SLC28A3: variants seen among roughly 807,000 people sequenced by gnomAD.
SLC28A3 encodes concentrative Na(+)-nucleoside cotransporter 3.
Under a neutral mutation model 84.2 loss-of-function variants are expected in SLC28A3, and 68 were observed. The ratio of observed to expected loss-of-function variants is 0.81; its 90% CI spans 0.66 to 0.99. The LOEUF (loss-of-function observed/expected upper bound fraction) is 0.99, where lower values mean the gene tolerates loss of function less well. Ranked by LOEUF, SLC28A3 falls within the 50% of genes least tolerant of loss-of-function variation. SLC28A3 has a pLI of 0.00. For missense variants in SLC28A3, 712 were observed against 841.5 expected, an observed-to-expected ratio of 0.85 and a Z score of 1.90; for synonymous variants, 267 against 303.6, an observed-to-expected ratio of 0.88 and a Z score of 1.25.
At chr9:84,321,569 T>C (rs1564171533) in intron 1 of SLC28A3, among the ~76,000 whole-genome samples, 1 of 150,884 alleles carries the variant, frequency 6.6e-6, no homozygotes, top group Admixed American at 6.6e-5. Context: ...CCGTCTCTAC[T>C]AAAAATACAA....
chr9:84,349,542 GT>G, the SLC28A3 span, among the ~76,000 whole-genome samples: 4 of 152,252 alleles, frequency 2.6e-5, no homozygotes, highest in South Asian at 2.1e-4. Context: ...CGGCTTACTT[GT>G]TTTTTATAAA....
chr9:84,317,409 T>C (rs1020187427), intron 1 of SLC28A3, among the ~76,000 whole-genome samples: 1 of 152,200 alleles, frequency 6.6e-6, no homozygotes, highest in African/African-American at 2.4e-5. Flanking sequence ...GCCACAATAG[T>C]GGTCTTCCTG....
At chr9:84,280,325 A>C (rs879687175) in intron 15 of SLC28A3, among the ~76,000 whole-genome samples, 1 of 151,464 alleles carries the variant, frequency 6.6e-6, no homozygotes, top group South Asian at 2.1e-4. Flanking sequence ...CAGAAGAAAA[A>C]CCTCCTAAGT....
chr9:84,310,754 A>G (rs1480663576), intron 2 of SLC28A3, among the ~76,000 whole-genome samples: 3 of 152,154 alleles, frequency 2.0e-5, no homozygotes, highest in Non-Finnish European at 4.4e-5. Flanking sequence ...GATAATTGTA[A>G]GAGAGACCAG....
chr9:84,320,040 GTTTTTTTTTTTTTTTT>G (rs1182939298), intron 1 of SLC28A3, among the ~76,000 whole-genome samples: 5 of 59,566 alleles, frequency 8.4e-5, no homozygotes, highest in Non-Finnish European at 1.5e-4. Flanking sequence ...GGCTTGCACT[GTTTTTTTTTTTTTTTT>G]TTTTTTTTTT....
intron 1 of SLC28A3, among the ~76,000 whole-genome samples, chr9:84,314,281 C>T (rs551380066): frequency 2.1e-4 from 32 of 152,060 alleles, no homozygotes; most frequent in South Asian, 1.0e-3. Context: ...CTTATAGGGC[C>T]GTCCGGACCC....
At chr9:84,360,081 G>A in the SLC28A3 span, among the ~76,000 whole-genome samples, 2 of 151,990 alleles carry the variant, frequency 1.3e-5, no homozygotes, top group African/African-American at 4.8e-5. Flanking sequence ...CTCTGACGTG[G>A]GAAGGAACCT....
chr9:84,330,480 G>T (rs1826738966), intron 1 of SLC28A3, among the ~76,000 whole-genome samples: 1 of 152,178 alleles, frequency 6.6e-6, no homozygotes, highest in Non-Finnish European at 1.5e-5. Context: ...ATAACCATCA[G>T]TGGCAAGTGG....
Position 84,290,216 on chromosome 9 carries a change from T to C in SLC28A3, c.1087A>G (p.Ile363Val), listed in dbSNP as rs780945194. Residue 363 changes from isoleucine (I) to valine (V), a missense_variant, in exon 11 of 18, where the codon ATC becomes GTC. Physicochemically the swap from Ile to Val is conservative, Grantham distance 29. Transcript: ENST00000376238. ...ATGGTAGAGAACCCGGCGGTCATGA[T>C]GGCGTGGAGTTCAGACTTGGTGATG... ...PYITKSELHA[I>V]MTAGFSTIAG... The C allele has an allele frequency of 3.7e-6, 6 of 1,613,948 alleles. No individual in the cohort carries two copies. The highest frequency in any genetic ancestry group is 4.2e-6 in the Non-Finnish European group (5 of 1,179,964).
the SLC28A3 span, among the ~76,000 whole-genome samples, chr9:84,361,851 A>G: frequency 6.6e-6 from 1 of 152,050 alleles, no homozygotes; most frequent in Non-Finnish European, 1.5e-5. Flanking sequence ...ATTTGAGGTT[A>G]CAGTGAGCAA....
At chr9:84,336,377 G>A (rs957261374) in intron 1 of SLC28A3, among the ~76,000 whole-genome samples, 6 of 152,148 alleles carry the variant, frequency 3.9e-5, no homozygotes, top group African/African-American at 1.4e-4. Flanking sequence ...GGTGGCATAT[G>A]CCTGTAAACT....
At chr9:84,333,199 G>A (rs777369797) in intron 1 of SLC28A3, among the ~76,000 whole-genome samples, 36 of 152,304 alleles carry the variant, frequency 2.4e-4, no homozygotes, top group Non-Finnish European at 4.4e-4. Context: ...AAATGGGGTA[G>A]GGGAACAATC....
intron 6 of SLC28A3, 56 bp from the exon 7 acceptor site, chr9:84,298,075 C>T: frequency 7.2e-7 from 1 of 1,397,000 alleles, no homozygotes; most frequent in East Asian, 2.3e-5. Context: ...CAGGCCGTGG[C>T]ATGAATGTCT....
chr9:84,316,978 G>A (rs1044703439), intron 1 of SLC28A3, among the ~76,000 whole-genome samples: 2 of 150,786 alleles, frequency 1.3e-5, no homozygotes, highest in Non-Finnish European at 1.5e-5. Flanking sequence ...TCCAGCCCGG[G>A]CGACAGAGCA....
chr9:84,319,860 A>G (rs1029466218), intron 1 of SLC28A3, among the ~76,000 whole-genome samples: 2 of 152,154 alleles, frequency 1.3e-5, no homozygotes, highest in Non-Finnish European at 1.5e-5. Flanking sequence ...TCTGCCAGCC[A>G]TGGTGCTGTG....
intron 14 of SLC28A3, among the ~76,000 whole-genome samples, chr9:84,283,446 A>C (rs1380465889): frequency 6.6e-6 from 1 of 152,258 alleles, no homozygotes; most frequent in Non-Finnish European, 1.5e-5. Flanking sequence ...ACTATGTCAC[A>C]GGCACTGATG....
At position 84,292,479 on chromosome 9, in the gene SLC28A3, C is replaced by G. The variant is rs111263604; in HGVS notation, c.1023+189G>C. The G allele has an allele frequency of 2.1e-4, 58 of 275,414 alleles. 2 individuals are homozygous for G. Among genetic ancestry groups the G allele is most frequent in the African/African-American group, 4.8e-4 (10 of 20,858 alleles). 17.1% of individuals were successfully genotyped at this position (275,414 alleles called of 1,614,324 possible). A position where few individuals can be genotyped will look rare whatever the true frequency, so the allele number is the denominator to read the frequency against. Reference sequence around the variant, plus strand: ...TGTCTCTCTGTCTCTCTCTCTGTCTCTCTCTCTCTCTCTCTCTGTCTCTCT... The same window carrying G: ...TGTCTCTCTGTCTCTCTCTCTGTCTGTCTCTCTCTCTCTCTCTGTCTCTCT... On this transcript the variant is annotated intron_variant, in intron 10 of 17. Coordinates refer to ENST00000376238, the MANE Select transcript of SLC28A3 (RefSeq NM_001199633.2).
intron 3 of SLC28A3, among the ~76,000 whole-genome samples, chr9:84,308,169 A>G (rs1380388291): frequency 6.6e-6 from 1 of 152,168 alleles, no homozygotes; most frequent in East Asian, 1.9e-4. Context: ...TGAGCCCAGG[A>G]GGTCGAGGCT....
At chr9:84,294,039 A>G (rs544753784) in intron 9 of SLC28A3, among the ~76,000 whole-genome samples, 156 bp downstream of exon 9, 3 of 152,176 alleles carry the variant, frequency 2.0e-5, no homozygotes, top group Non-Finnish European at 4.4e-5. Context: ...CACATTTAGG[A>G]TTGGAGGTTT....
Sources: allele counts gnomAD v4.1 joint callset (sites outside exome capture counted in the v4.1 genomes callset), GRCh38; gene constraint gnomAD v4.1.1; transcripts MANE v1.5; gene names NCBI Gene and HGNC (gene_info 2026-07-23, HGNC 2026-07-21).